The following CELSR1 variants were observed in gnomAD, a reference collection of about 807,000 sequenced individuals.
CELSR1 encodes cadherin EGF LAG seven-pass G-type receptor 1, also known as adhesion G protein-coupled receptor C1.
Under a neutral mutation model 249.1 loss-of-function variants are expected in CELSR1, and 110 were observed. That is an observed-to-expected ratio of 0.44 (90% CI 0.38 to 0.52). The LOEUF is 0.52. Ranked by LOEUF, CELSR1 falls within the 20% of genes least tolerant of loss-of-function variation. The pLI, the probability that CELSR1 is intolerant of heterozygous loss-of-function variation, is 0.00. For missense variants in CELSR1, 4,109 were observed against 4,296.4 expected (o/e 0.96, Z 1.22); for synonymous variants, 2,113 against 1,900.0 (o/e 1.11, Z -2.92).
chr22:46,426,939 T>C (rs986941992), intron 5 of CELSR1, among the ~76,000 whole-genome samples: 32 of 152,160 alleles, frequency 2.1e-4, no homozygotes, highest in Admixed American at 2.0e-4. Flanking sequence ...CAGCCTTGTG[T>C]GTTCTGTTAC....
rs932966141 is a variant in CELSR1 at position 46,395,958 on chromosome 22, G to A, written c.5843+647C>T. 3.9e-5 allele frequency among the ~76,000 whole-genome samples: 6 copies of A among 152,150 alleles called. No individual in the cohort carries two copies. Among genetic ancestry groups the A allele is most frequent in the East Asian group, 3.9e-4 (2 of 5,194 alleles). On this transcript the variant is annotated intron_variant, in intron 13 of 34. Coordinates refer to ENST00000674500, the MANE Select transcript of CELSR1 (RefSeq NM_001378328.1). The surrounding 1 kb of genome is among the most constrained non-coding windows in gnomAD (Gnocchi z 5.5). ...CATCAGAAATGACTTCAAGCCCAGC[G>A]ACTCGACAGAGAAAGCATTCTCTGT...
In CELSR1 at chr22:46,458,886, T is replaced by A. The variant is rs182710608; in HGVS notation, c.4183+4821A>T. Reference sequence around the variant, plus strand: ...TAGAGAGTACTGTTCCCAGTTTAGGTTTTTTTTTGTTTGTGTTTTTGTTTT... The same window carrying A: ...TAGAGAGTACTGTTCCCAGTTTAGGATTTTTTTTGTTTGTGTTTTTGTTTT... On this transcript the variant is annotated intron_variant, in intron 2 of 34. Transcript: ENST00000674500. Among the ~76,000 whole-genome samples the A allele has an allele frequency of 4.9e-3, 731 of 150,422 alleles. 7 individuals are homozygous for A. Among genetic ancestry groups the A allele is most frequent in the African/African-American group, 0.017 (700 of 40,332 alleles).
chr22:46,386,370 G>C (rs746352350), intron 19 of CELSR1, 32 bp downstream of exon 19: 7 of 1,501,754 alleles, frequency 4.7e-6, no homozygotes, highest in Middle Eastern at 4.5e-4. Context: ...GATGGTAGCA[G>C]GGTTCCACCC....
intron 5 of CELSR1, among the ~76,000 whole-genome samples, chr22:46,418,873 G>A (rs2079433449): frequency 6.6e-6 from 1 of 152,254 alleles, no homozygotes; most frequent in Admixed American, 6.5e-5. Context: ...AAAGACAAAA[G>A]TGAGGAGCTC....
At chr22:46,369,007 T>G (rs1156968850) in intron 27 of CELSR1, 172 bp downstream of exon 27, 3 of 474,530 alleles carry the variant, frequency 6.3e-6, no homozygotes, top group Non-Finnish European at 1.2e-5. Context: ...CCCCAGCCCC[T>G]GCAGGTGCAA....
chr22:46,435,680 T>C (rs1289133161), intron 4 of CELSR1, among the ~76,000 whole-genome samples: 1 of 152,136 alleles, frequency 6.6e-6, no homozygotes, highest in Non-Finnish European at 1.5e-5. Flanking sequence ...GCACTATAAA[T>C]AACACTGTTA....
At chr22:46,462,318 C>T (rs1362690149) in intron 2 of CELSR1, among the ~76,000 whole-genome samples, 1 of 152,162 alleles carries the variant, frequency 6.6e-6, no homozygotes, top group Non-Finnish European at 1.5e-5. Context: ...CAACCTGGAG[C>T]GCAGGAAGTC....
In CELSR1 at chr22:46,533,526, C is replaced by T. The variant is rs2080813859; in HGVS notation, c.3544+101G>A. On this transcript the variant is annotated intron_variant, in intron 1 of 34. Transcript: ENST00000674500. ...CCTTGCAGAGTTGCCCGGGCCCGGCCCAATTGCGCCCCGGCATGCCAGGCG... is the reference window on the plus strand; with the variant it reads ...CCTTGCAGAGTTGCCCGGGCCCGGCTCAATTGCGCCCCGGCATGCCAGGCG... 7 of 1,468,264 alleles carry T rather than the reference C, an allele frequency of 4.8e-6. No individual in the cohort carries two copies. In the Admixed American group the frequency reaches 1.4e-4, roughly 29 times the overall value. The allele number at this position is 1,468,264 out of a possible 1,614,324, so 91.0% of individuals were successfully genotyped here. A position where few individuals can be genotyped will look rare whatever the true frequency, so the allele number is the denominator to read the frequency against.
intron 20 of CELSR1, 92 bp from the exon 21 acceptor site, chr22:46,382,142 A>ATT: frequency 8.4e-7 from 1 of 1,187,670 alleles, no homozygotes; most frequent in East Asian, 2.6e-5. Context: ...TCAAAAACCA[A>ATT]CAGATGTCCC....
chr22:46,460,211 A>C (rs9680609), intron 2 of CELSR1, among the ~76,000 whole-genome samples: 59,424 of 148,852 alleles, frequency 0.4, 12,548 homozygotes, highest in East Asian at 0.61. Flanking sequence ...ACACACACAC[A>C]CACACCCATT....
At chr22:46,528,146 C>T (rs1482415397) in intron 1 of CELSR1, among the ~76,000 whole-genome samples, 4 of 151,758 alleles carry the variant, frequency 2.6e-5, no homozygotes, top group Non-Finnish European at 5.9e-5. Flanking sequence ...CCTGTGAGTT[C>T]CAGAAAAGCA....
In CELSR1 at chr22:46,535,548, C is replaced by T. The variant is rs774498490; in HGVS notation, c.1623G>A (p.Arg541=). 12 of 1,613,270 alleles carry T rather than the reference C, an allele frequency of 7.4e-6. No homozygotes were observed. The highest frequency in any genetic ancestry group is 1.0e-5 in the Non-Finnish European group (12 of 1,180,028). Residue 541 remains arginine (R), a synonymous_variant, in exon 1 of 35, where the codon CGG becomes CGA. Coordinates refer to ENST00000674500, the MANE Select transcript of CELSR1 (RefSeq NM_001378328.1). ...SLSIKAQDGG[R]PPLINSSGVV... The stretch of plus-strand genomic sequence containing the variant: ...CCCCTGAAGAATTGATGAGCGGGGG[C>T]CGGCCCCCATCCTGGGCCTTAATGC...
At chr22:46,450,898 A>G (rs1461673137) in intron 2 of CELSR1, among the ~76,000 whole-genome samples, 1 of 152,208 alleles carries the variant, frequency 6.6e-6, no homozygotes, top group Non-Finnish European at 1.5e-5. Flanking sequence ...CAGCACTAAC[A>G]GGCTGATGTG....
In CELSR1 at chr22:46,391,686, T is replaced by C; in HGVS notation, c.6095A>G (p.Gln2032Arg). 1 of 1,609,592 alleles carries C rather than the reference T, an allele frequency of 6.2e-7. No homozygotes were observed. The highest frequency in any genetic ancestry group is 2.2e-5 in the East Asian group (1 of 44,852). Residue 2032 changes from glutamine (Q) to arginine (R), a missense_variant, in exon 15 of 35, where the codon CAG (glutamine) becomes CGG (arginine). Gln to Arg is a conservative substitution (Grantham distance 43). Coordinates refer to ENST00000674500, the MANE Select transcript of CELSR1 (RefSeq NM_001378328.1). The surrounding 1 kb of genome is among the most constrained non-coding windows in gnomAD (Gnocchi z 4.3). ...AAACGGGTTGTCGCAGCGGTTGCACTGGCGGCCGATGACGCCGGGCTTGCA... is the reference window on the plus strand; with the variant it reads ...AAACGGGTTGTCGCAGCGGTTGCACCGGCGGCCGATGACGCCGGGCTTGCA... ...CACKPGVIGR[Q>R]CNRCDNPFAE... is the part of the protein sequence containing the mutation.
chr22:46,391,247 G>T lies in CELSR1; in HGVS notation c.6189C>A (p.Ile2063=), dbSNP rs570551893. The T allele has an allele frequency of 6.2e-7, 1 of 1,613,764 alleles. No individual in the cohort carries two copies. Among genetic ancestry groups the T allele is most frequent in the African/African-American group, 1.3e-5 (1 of 75,050 alleles). ...NGCPKAFEAG[I]WWPQTKFGQP... ...GCCCGAACTTGGTCTGTGGCCACCA[G>T]ATGCCGGCCTCAAATGCTTTGGGAC... The change falls in exon 16 of 35, where the codon ATC becomes ATA. Residue 2063 remains isoleucine, a synonymous_variant. Transcript: ENST00000674500. The surrounding 1 kb of genome is among the most constrained non-coding windows in gnomAD (Gnocchi z 4.3).
intron 1 of CELSR1, among the ~76,000 whole-genome samples, chr22:46,511,033 G>C (rs2080567863): frequency 6.6e-6 from 1 of 152,074 alleles, no homozygotes; most frequent in Non-Finnish European, 1.5e-5. Context: ...AGAATCTCTT[G>C]AACCCAGGAG....
intron 2 of CELSR1, among the ~76,000 whole-genome samples, chr22:46,442,105 G>A (rs1402293413): frequency 6.6e-6 from 1 of 152,210 alleles, no homozygotes; most frequent in Non-Finnish European, 1.5e-5. Flanking sequence ...CCAAGATGGT[G>A]CCATTGCACT....
intron 1 of CELSR1, among the ~76,000 whole-genome samples, chr22:46,505,092 C>T (rs1180134010): frequency 6.6e-6 from 1 of 151,768 alleles, no homozygotes; most frequent in Non-Finnish European, 1.5e-5. Context: ...GAAACCCCGT[C>T]TCTATTAAAA....
At position 46,445,929 on chromosome 22, in the gene CELSR1, GCAC is replaced by G. The variant is rs2079814243; in HGVS notation, c.4184-6521_4184-6519del. Among the ~76,000 whole-genome samples, 1 of 152,074 alleles carries G rather than the reference GCAC, an allele frequency of 6.6e-6. No homozygotes were observed. Among genetic ancestry groups the G allele is most frequent in the Non-Finnish European group, 1.5e-5 (1 of 68,006 alleles). ...CCCCTCCTGCCTCCAGCAGCCCCCT[GCAC>G]AGCCACAAGCCCCCTCGCCTCGCGG... On this transcript the variant is annotated intron_variant, in intron 2 of 34. Coordinates refer to ENST00000674500, the MANE Select transcript of CELSR1 (RefSeq NM_001378328.1). This position sits in a 1 kb window ranked among gnomAD's most constrained non-coding sequence, Gnocchi z 4.4.
Sources: gnomAD v4.1 joint callset for allele counts (sites outside exome capture counted in the v4.1 genomes callset) on GRCh38, gnomAD v4.1.1 for gene constraint, Gnocchi (gnomAD v3.1) non-coding constraint, MANE v1.5 for transcripts, NCBI Gene and HGNC (gene_info 2026-07-23, HGNC 2026-07-21) for gene names.